The following GLRA2 variants were observed in gnomAD, a reference collection of about 807,000 sequenced individuals.
GLRA2 encodes glycine receptor alpha 2, also known as glycine receptor subunit alpha-2.
GLRA2 carries 11 observed loss-of-function variants against 31.6 expected under a neutral mutation model. That is an observed-to-expected ratio of 0.35 (90% CI 0.22 to 0.58). GLRA2 has a LOEUF of 0.58. Ranked by LOEUF, GLRA2 falls within the 20% of genes least tolerant of loss-of-function variation. The pLI is 0.84. For missense variants in GLRA2, 212 were observed against 351.8 expected, an observed-to-expected ratio of 0.60 and a Z score of 3.18; for synonymous variants, 132 against 134.0, an observed-to-expected ratio of 0.99 and a Z score of 0.10.
At chrX:14,501,934 A>G in the GLRA2 span, among the ~76,000 whole-genome samples, 1 of 111,025 alleles carries the variant, frequency 9.0e-6, no homozygotes, top group South Asian at 3.8e-4. Flanking sequence ...TCTTCCTCCT[A>G]TGTCTTTATA....
At chrX:14,584,745 G>A (rs894231675) in intron 4 of GLRA2, among the ~76,000 whole-genome samples, 4 of 111,709 alleles carry the variant, frequency 3.6e-5, no homozygotes, top group Non-Finnish European at 7.5e-5. Context: ...TAAATTGATC[G>A]GACCTGAGAA....
At chrX:14,631,477 T>C (rs2090646222) in intron 7 of GLRA2, among the ~76,000 whole-genome samples, 1 of 111,319 alleles carries the variant, frequency 9.0e-6, no homozygotes, top group Non-Finnish European at 1.9e-5. Flanking sequence ...CCAGACATTG[T>C]GGTTTTTATC....
chrX:14,558,983 C>T (rs987540274), intron 2 of GLRA2, among the ~76,000 whole-genome samples: 10 of 110,854 alleles, frequency 9.0e-5, no homozygotes, highest in Admixed American at 7.6e-4. Context: ...CACCACCATG[C>T]CAGGCTAATT....
At chrX:14,688,186 C>A (rs1468600934) in intron 7 of GLRA2, among the ~76,000 whole-genome samples, 1 of 111,012 alleles carries the variant, frequency 9.0e-6, no homozygotes, top group Non-Finnish European at 1.9e-5. Flanking sequence ...GGGTACCCGG[C>A]CATGTGAGGT....
the GLRA2 span, among the ~76,000 whole-genome samples, chrX:14,502,573 G>A: frequency 9.0e-6 from 1 of 111,228 alleles, no homozygotes; most frequent in Non-Finnish European, 1.9e-5. Flanking sequence ...CCGAACCATT[G>A]CTCCTAGTAG....
chrX:14,606,493 C>T (rs1354706774), intron 5 of GLRA2, among the ~76,000 whole-genome samples: 2 of 111,441 alleles, frequency 1.8e-5, no homozygotes, highest in Admixed American at 9.6e-5. Flanking sequence ...TGAGTGGGCC[C>T]ATTTAGCAAG....
At position 14,532,362 on chromosome X, in the gene GLRA2, A is replaced by G. The variant is rs2089268308; in HGVS notation, c.192A>G (p.Pro64=). ...CAGGATATGATGCAAGAATCAGGCC[A>G]AATTTTAAAGGTAGGTTCCACTTAA... ...RTSGYDARIR[P]NFKGPPVNVT... is the part of the protein sequence containing the mutation. The change falls in exon 2 of 9, where the codon CCA becomes CCG. Residue 64 remains proline, a synonymous_variant. Transcript: ENST00000218075. The G allele has an allele frequency of 8.4e-7, 1 of 1,184,451 alleles. No homozygotes were observed. Among genetic ancestry groups the G allele is most frequent in the African/African-American group, 1.8e-5 (1 of 57,109 alleles).
intron 8 of GLRA2, among the ~76,000 whole-genome samples, chrX:14,691,099 AT>A (rs2091346990): frequency 8.9e-6 from 1 of 112,144 alleles, no homozygotes; most frequent in Admixed American, 9.4e-5. Flanking sequence ...ACAAGAAACA[AT>A]TTTTAGTATA....
intron 4 of GLRA2, among the ~76,000 whole-genome samples, chrX:14,582,389 C>T (rs999346363): frequency 2.7e-5 from 3 of 109,895 alleles, no homozygotes; most frequent in East Asian, 2.8e-4. Flanking sequence ...CTACAGAGGA[C>T]GTGAACTCAT....
At chrX:14,545,111 T>C (rs3027325) in intron 2 of GLRA2, among the ~76,000 whole-genome samples, 22,536 of 111,585 alleles carry the variant, frequency 0.2, 2,232 homozygotes, top group Non-Finnish European at 0.31. Flanking sequence ...ATTGCTAGTA[T>C]TCCACTGTAC....
At chrX:14,460,952 C>T in the GLRA2 span, among the ~76,000 whole-genome samples, 3 of 111,170 alleles carry the variant, frequency 2.7e-5, no homozygotes, top group Non-Finnish European at 3.8e-5. Context: ...TGTGATGTTA[C>T]AGTGTCGATT....
the GLRA2 span, among the ~76,000 whole-genome samples, chrX:14,480,791 G>A: frequency 6.3e-5 from 7 of 111,825 alleles, no homozygotes; most frequent in Admixed American, 4.8e-4. Flanking sequence ...GTAGGGTAAC[G>A]TGGTATCTCC....
At chrX:14,610,862 C>A (rs1262703145) in intron 7 of GLRA2, among the ~76,000 whole-genome samples, 3 of 112,184 alleles carry the variant, frequency 2.7e-5, no homozygotes, top group Non-Finnish European at 5.6e-5. Flanking sequence ...TATGATTCTG[C>A]ATCAATGGTC....
chrX:14,485,459 G>C, the GLRA2 span, among the ~76,000 whole-genome samples: 2 of 111,459 alleles, frequency 1.8e-5, no homozygotes, highest in South Asian at 7.6e-4. Context: ...AAACCTTGAT[G>C]TGTCACTCTT....
At chrX:14,624,967 A>G (rs1281284282) in intron 7 of GLRA2, among the ~76,000 whole-genome samples, 1 of 111,140 alleles carries the variant, frequency 9.0e-6, no homozygotes, top group Admixed American at 9.6e-5. Context: ...GTCTCCCATT[A>G]TTGTTGTATG....
chrX:14,717,727 T>C (rs1438350856), intron 8 of GLRA2, among the ~76,000 whole-genome samples: 1 of 98,483 alleles, frequency 1.0e-5, no homozygotes, highest in African/African-American at 3.7e-5. Context: ...AACTGGAAGA[T>C]CCTTCTGTAA....
At chrX:14,637,440 TGA>T (rs1398800577) in intron 7 of GLRA2, among the ~76,000 whole-genome samples, 1 of 111,815 alleles carries the variant, frequency 8.9e-6, no homozygotes, top group African/African-American at 3.2e-5. Flanking sequence ...AGTATCTAAG[TGA>T]GAGAGGGAGT....
At chrX:14,560,706 A>G (rs1193550792) in intron 2 of GLRA2, among the ~76,000 whole-genome samples, 1 of 104,936 alleles carries the variant, frequency 9.5e-6, no homozygotes, top group Non-Finnish European at 1.9e-5. Flanking sequence ...GGTCCTAGCT[A>G]CTTGGGAGCC....
rs780529999 is a variant in GLRA2 at position 14,615,479 on chromosome X, G to A, written c.930+6274G>A. On this transcript the variant is annotated intron_variant, in intron 7 of 8. Coordinates refer to ENST00000218075, the MANE Select transcript of GLRA2 (RefSeq NM_002063.4). The stretch of plus-strand genomic sequence containing the variant: ...ATTATTTAACAATGTAGGATAAAAA[G>A]ATATATGAAGTAAGATGCCTAACCT... 4.5e-5 allele frequency among the ~76,000 whole-genome samples: 5 copies of A among 111,538 alleles called. No individual in the cohort carries two copies. In the East Asian group the frequency reaches 1.1e-3, roughly 25 times the overall value.
Sources: allele counts gnomAD v4.1 joint callset (sites outside exome capture counted in the v4.1 genomes callset), GRCh38; gene constraint gnomAD v4.1.1; transcripts MANE v1.5; gene names NCBI Gene and HGNC (gene_info 2026-07-23, HGNC 2026-07-21).